Variants in TMEM175 observed in about 807,000 individuals in gnomAD.
TMEM175 encodes the protein endosomal/lysosomal proton channel TMEM175.
TMEM175 carries 36 observed loss-of-function variants against 36.5 expected under a neutral mutation model. The observed-to-expected ratio is 0.99, with a 90% CI of 0.76 to 1.30. The LOEUF (loss-of-function observed/expected upper bound fraction) is 1.30. Among genes scored for constraint, TMEM175 ranks in the 50% most tolerant of loss-of-function variants. The probability of loss-of-function intolerance (pLI) is 0.00; values close to 1 mark genes in which losing one functional copy is unlikely to be tolerated. For missense variants in TMEM175, 705 were observed against 692.8 expected, an observed-to-expected ratio of 1.02 and a Z score of -0.20; for synonymous variants, 339 against 313.4, an observed-to-expected ratio of 1.08 and a Z score of -0.86.
In TMEM175 at chr4:947,196, G is replaced by A. The variant is rs530789900; in HGVS notation, c.-31-513G>A. Among the ~76,000 whole-genome samples the A allele has an allele frequency of 1.2e-4, 17 of 147,384 alleles. No individual in the cohort carries two copies. In the East Asian group the frequency reaches 3.3e-3, roughly 29 times the overall value. On this transcript the variant is annotated intron_variant, in intron 1 of 10. Coordinates refer to ENST00000264771, the MANE Select transcript of TMEM175 (RefSeq NM_032326.4). Reference sequence around the variant, plus strand: ...ACAGGTGCCGAGACTGAGGGAGAGCGCGGCCCCTGTAGAGAACAGACAGCC... The same window carrying A: ...ACAGGTGCCGAGACTGAGGGAGAGCACGGCCCCTGTAGAGAACAGACAGCC...
At chr4:938,532 ATC>A (rs1364765486) in intron 1 of TMEM175, among the ~76,000 whole-genome samples, 1 of 152,152 alleles carries the variant, frequency 6.6e-6, no homozygotes, top group East Asian at 1.9e-4. Context: ...ATCGGATAGA[ATC>A]TATAAAAAGA....
rs1553902877 is a variant in TMEM175, at chr4:933,481, A to AAAC, written c.-32+943_-32+944insCAA. On this transcript the variant is annotated intron_variant, in intron 1 of 10. Coordinates refer to ENST00000264771, the MANE Select transcript of TMEM175 (RefSeq NM_032326.4). The stretch of plus-strand genomic sequence containing the variant: ...AGCCTGAGACTCCGCCTCAAAAAAT[A>AAAC]AATAATAATAATAATAATAATTGAA... 2.0e-3 allele frequency among the ~76,000 whole-genome samples: 305 copies of AAAC among 152,112 alleles called. 13 individuals carry two copies. In the South Asian group the frequency reaches 0.059, roughly 29 times the overall value.
At chr4:953,756 G>C (rs1010589636) in intron 8 of TMEM175, among the ~76,000 whole-genome samples, 1 of 152,208 alleles carries the variant, frequency 6.6e-6, no homozygotes, top group Non-Finnish European at 1.5e-5. Context: ...TGTGATCTTG[G>C]CTCACCACAG....
At chr4:944,040 C>T (rs902199451) in intron 1 of TMEM175, among the ~76,000 whole-genome samples, 4 of 152,208 alleles carry the variant, frequency 2.6e-5, no homozygotes, top group Admixed American at 2.6e-4. Flanking sequence ...CGCATGCAAT[C>T]CCAGCATTTC....
chr4:941,898 G>GA lies in TMEM175; in HGVS notation c.-31-5802dup, dbSNP rs760444931. 1.7e-4 allele frequency among the ~76,000 whole-genome samples: 26 copies of GA among 150,184 alleles called. 1 individual carries two copies. The East Asian group carries it at 3.5e-3, about 20-fold the overall frequency. On this transcript the variant is annotated intron_variant, in intron 1 of 10. Transcript: ENST00000264771. ...TAGACCCCATGTCTTTATAAAAAAA[G>GA]AAAAAAAAAGAATATTTTGTCAAAC...
chr4:947,910 G>A lies in TMEM175; in HGVS notation c.153+18G>A, dbSNP rs1261886399. On this transcript the variant is annotated intron_variant, in intron 2 of 10. Transcript: ENST00000264771. The stretch of plus-strand genomic sequence containing the variant: ...CCGTCATGGTCTGTACGGGGCCCCT[G>A]CTTAGGCCTGCCCCACCCCGAGCCT... The A allele has an allele frequency of 5.0e-6, 8 of 1,613,830 alleles. No homozygotes were observed. In the South Asian group the frequency reaches 7.7e-5, roughly 16 times the overall value.
At chr4:940,898 C>T (rs1265146750) in intron 1 of TMEM175, among the ~76,000 whole-genome samples, 6 of 151,624 alleles carry the variant, frequency 4.0e-5, no homozygotes, top group Non-Finnish European at 5.9e-5. Flanking sequence ...CCCAGCTACT[C>T]AGGAGGCTGA....
intron 3 of TMEM175, among the ~76,000 whole-genome samples, chr4:948,823 C>G (rs1489538137): frequency 6.6e-6 from 1 of 152,252 alleles, no homozygotes; most frequent in African/African-American, 2.4e-5. Context: ...TGGGCCAGTA[C>G]TGAGGTTGGG....
Position 953,245 on chromosome 4 carries a change from A to G in TMEM175, c.518A>G (p.Gln173Arg). ...CCGCACCTGCTGAGCCCGCAGATCC[A>G]GCGCTCTGCCCACAGGGCTCTGTAC... ...HFPHLLSPQI[Q>R]RSAHRALYRR... is the part of the protein sequence containing the mutation. Residue 173 changes from glutamine to arginine, a missense_variant, in exon 8 of 11, where the codon CAG becomes CGG. Coordinates refer to ENST00000264771, the MANE Select transcript of TMEM175 (RefSeq NM_032326.4). 6.2e-7 allele frequency: 1 copy of G among 1,613,828 alleles called. No homozygotes were observed. The highest frequency in any genetic ancestry group is 1.7e-5 in the Admixed American group (1 of 59,992).
chr4:937,010 C>G (rs1726867763), intron 1 of TMEM175, among the ~76,000 whole-genome samples: 1 of 151,572 alleles, frequency 6.6e-6, no homozygotes, highest in Non-Finnish European at 1.5e-5. Flanking sequence ...CCCTGACATG[C>G]ATACAATTAA....
chr4:943,883 CCA>C (rs1475543579), intron 1 of TMEM175, among the ~76,000 whole-genome samples: 5 of 152,162 alleles, frequency 3.3e-5, no homozygotes, highest in Non-Finnish European at 7.3e-5. Flanking sequence ...AGTGAAATTA[CCA>C]CACAGCAACC....
At chr4:950,361 A>G in intron 3 of TMEM175, 60 bp from the exon 4 acceptor site, 2 of 1,372,846 alleles carry the variant, frequency 1.5e-6, no homozygotes, top group Admixed American at 3.4e-5. Flanking sequence ...TGCTGTCTCG[A>G]CTGCCATTCA....
chr4:949,387 A>G (rs1728581318), intron 3 of TMEM175, among the ~76,000 whole-genome samples: 4 of 152,182 alleles, frequency 2.6e-5, no homozygotes, highest in African/African-American at 9.7e-5. Flanking sequence ...AAAGTCCTGG[A>G]GAGTCAAAAG....
chr4:940,049 C>G (rs77186370), intron 1 of TMEM175, among the ~76,000 whole-genome samples: 1 of 152,100 alleles, frequency 6.6e-6, no homozygotes, highest in Non-Finnish European at 1.5e-5. Context: ...CTTGAAGGAA[C>G]CTTAAATGCA....
rs995230828 is a variant in TMEM175, at chr4:956,060, C to A, written c.842+170C>A. 56 of 905,296 alleles carry A rather than the reference C, an allele frequency of 6.2e-5. No homozygotes were observed. The Middle Eastern group carries it at 8.6e-4, about 14-fold the overall frequency. 56.1% of individuals were successfully genotyped at this position (905,296 alleles called of 1,614,324 possible). On this transcript the variant is annotated intron_variant, in intron 10 of 10. Coordinates refer to ENST00000264771, the MANE Select transcript of TMEM175 (RefSeq NM_032326.4). ...GCAGCCCCCACTTCAGGGAGGACAA[C>A]CTTCCCGGCGGCCCCTCCCTTCCCA...
Position 950,054 on chromosome 4 carries a change from A to C in TMEM175, c.193-367A>C, listed in dbSNP as rs186485492. The stretch of plus-strand genomic sequence containing the variant: ...ACAGAGGGTACCATCCCTGAGGCGG[A>C]GTCCACAGCAGACACCGAGCCCATT... On this transcript the variant is annotated intron_variant, in intron 3 of 10. Transcript: ENST00000264771. Among the ~76,000 whole-genome samples the C allele has an allele frequency of 2.1e-3, 317 of 152,156 alleles. 1 individual carries two copies. The highest frequency in any genetic ancestry group is 3.4e-3 in the Non-Finnish European group (232 of 67,994).
chr4:940,632 T>C (rs987146823), intron 1 of TMEM175, among the ~76,000 whole-genome samples: 1 of 152,120 alleles, frequency 6.6e-6, no homozygotes, highest in African/African-American at 2.4e-5. Flanking sequence ...ATGTAAACTA[T>C]GGACTTAGGT....
intron 7 of TMEM175, 143 bp from the exon 8 acceptor site, chr4:953,047 T>A: frequency 1.3e-6 from 1 of 788,710 alleles, no homozygotes; most frequent in Non-Finnish European, 1.9e-6. Context: ...AAGACCCCTG[T>A]GCGCGCGTGC....
intron 3 of TMEM175, chr4:948,763 C>G: frequency 1.0e-6 from 1 of 964,532 alleles, no homozygotes; most frequent in Non-Finnish European, 1.4e-6. Context: ...GGTCGTGCGG[C>G]CCAAGCTTCA....
Sources: gnomAD v4.1 joint callset for allele counts (sites outside exome capture counted in the v4.1 genomes callset) on GRCh38, gnomAD v4.1.1 for gene constraint, MANE v1.5 for transcripts, NCBI Gene and HGNC (gene_info 2026-07-23, HGNC 2026-07-21) for gene names.